The following WDHD1 variants were observed in gnomAD, a reference collection of about 807,000 sequenced individuals.
WDHD1 encodes the protein WD repeat and HMG-box DNA binding protein 1.
A neutral mutation model predicts 135.4 loss-of-function variants in WDHD1; 111 were observed. The observed-to-expected ratio is 0.82, with a 90% CI of 0.70 to 0.96. The LOEUF is 0.96. WDHD1 is among the 40% of genes least tolerant of loss of function. The pLI, the probability that WDHD1 is intolerant of heterozygous loss-of-function variation, is 0.00. For missense variants in WDHD1, 1,351 were observed against 1,336.3 expected, an observed-to-expected ratio of 1.01 and a Z score of -0.17; for synonymous variants, 434 against 439.0, an observed-to-expected ratio of 0.99 and a Z score of 0.14.
chr14:55,015,946 A>G (rs1036749880), intron 2 of WDHD1, among the ~76,000 whole-genome samples: 3 of 151,980 alleles, frequency 2.0e-5, no homozygotes, highest in African/African-American at 7.2e-5. Context: ...TGATCCACCC[A>G]CCTCGGCCTC....
In WDHD1 at chr14:54,987,255, A is replaced by G; in HGVS notation, c.1659T>C (p.Leu553=). Residue 553 remains leucine, a synonymous_variant, in exon 14 of 26, where the codon CTT becomes CTC. Transcript: ENST00000360586. ...GWAAAATSAL[L]LRLFTIGGVQ... is the part of the protein sequence containing the mutation. ...CCCCTCCAATAGTAAACAATCGAAG[A>G]AGCAGGGCACTAGTAGCGGCAGCAG... is the stretch of plus-strand genomic sequence containing the variant. 6.2e-7 allele frequency: 1 copy of G among 1,614,160 alleles called. No individual in the cohort carries two copies. The highest frequency in any genetic ancestry group is 1.7e-5 in the Admixed American group (1 of 60,022).
chr14:54,988,711 T>G (rs117958211), intron 13 of WDHD1, among the ~76,000 whole-genome samples: 5,544 of 146,746 alleles, frequency 0.038, 123 homozygotes, highest in African/African-American at 0.052. Flanking sequence ...TTCTTTACAA[T>G]GAATGTATAT....
chr14:54,989,033 T>C lies in WDHD1; in HGVS notation c.1521A>G (p.Leu507=). 1.2e-6 allele frequency: 2 copies of C among 1,608,752 alleles called. No homozygotes were observed. Among genetic ancestry groups the C allele is most frequent in the South Asian group, 1.1e-5 (1 of 90,128 alleles). The part of the protein sequence containing the change: ...ILLACESTDE[L]ASKLHCLHFS... ...CCTAATAATCTTGAGTTTACCTTGC[T>C]AGTTCATCAGTGCTTTCACATGCCA... The change falls in exon 13 of 26, where the codon CTA becomes CTG. Residue 507 remains leucine, a synonymous_variant. Transcript: ENST00000360586.
intron 2 of WDHD1, 25 bp downstream of exon 2, chr14:55,026,686 A>C: frequency 6.2e-7 from 1 of 1,612,620 alleles, no homozygotes; most frequent in Non-Finnish European, 8.5e-7. Context: ...TTGCACCTAA[A>C]ACGTTGTTTC....
chr14:54,962,354 A>C, intron 21 of WDHD1, 144 bp downstream of exon 21: 1 of 693,904 alleles, frequency 1.4e-6, no homozygotes, highest in South Asian at 1.6e-5. Flanking sequence ...TTCACAAACA[A>C]CATCTGAGAT....
chr14:55,011,524 CAAAAAAAAA>C (rs60615259), intron 3 of WDHD1, among the ~76,000 whole-genome samples: 29 of 50,994 alleles, frequency 5.7e-4, no homozygotes, highest in East Asian at 1.8e-3. Context: ...AACTCTGTCT[CAAAAAAAAA>C]AAAAAAAAAA....
At chr14:54,949,810 T>C (rs1040935987) in intron 24 of WDHD1, among the ~76,000 whole-genome samples, 8 of 152,350 alleles carry the variant, frequency 5.3e-5, no homozygotes, top group East Asian at 1.9e-4. Flanking sequence ...AGAAACTCTA[T>C]GAGCCAGAAG....
intron 10 of WDHD1, 152 bp from the exon 11 acceptor site, chr14:54,995,965 G>A (rs1433197577): frequency 1.7e-6 from 1 of 598,474 alleles, no homozygotes; most frequent in Non-Finnish European, 2.8e-6. Flanking sequence ...GTATTTATGA[G>A]AATTGTATTT....
intron 18 of WDHD1, among the ~76,000 whole-genome samples, chr14:54,963,410 T>C (rs1340998170): frequency 1.3e-5 from 2 of 152,148 alleles, no homozygotes; most frequent in African/African-American, 4.8e-5. Flanking sequence ...ATGAATAAAG[T>C]AATGGTGCAC....
In WDHD1 at chr14:54,995,648, G is replaced by C; in HGVS notation, c.1108C>G (p.Pro370Ala). The change falls in exon 11 of 26, where the codon CCT becomes GCT. Residue 370 changes from proline (P) to alanine (A), a missense_variant. Around this residue, in one of 2 missense-constraint regions of WDHD1, gnomAD observed 1,330 missense variants for 1,296.1 expected, o/e 1.03. Coordinates refer to ENST00000360586, the MANE Select transcript of WDHD1 (RefSeq NM_007086.4). ...TCTAGGATGTGACTTCGCTGTCTAG[G>C]ACGACCTGAAGCCATCATGAGGTCT... The part of the protein sequence containing the change: ...DEDLMMASGR[P>A]RQRSHILEDD... 6.2e-7 allele frequency: 1 copy of C among 1,612,560 alleles called. No homozygotes were observed. Among genetic ancestry groups the C allele is most frequent in the Non-Finnish European group, 8.5e-7 (1 of 1,179,364 alleles).
chr14:55,020,481 G>A (rs538586875), intron 2 of WDHD1, among the ~76,000 whole-genome samples: 1 of 152,200 alleles, frequency 6.6e-6, no homozygotes, highest in African/African-American at 2.4e-5. Flanking sequence ...AGTCTCCTTA[G>A]CTGGATCCTC....
At chr14:54,978,688 G>T (rs1033316920) in intron 16 of WDHD1, among the ~76,000 whole-genome samples, 3 of 152,010 alleles carry the variant, frequency 2.0e-5, no homozygotes, top group Admixed American at 6.6e-5. Flanking sequence ...AAAACACACA[G>T]AAATAACCAC....
chr14:54,981,654 A>G lies in WDHD1; in HGVS notation c.1949T>C (p.Leu650Pro). The G allele has an allele frequency of 6.2e-7, 1 of 1,612,064 alleles. No individual in the cohort carries two copies. Among genetic ancestry groups the G allele is most frequent in the Middle Eastern group, 1.7e-4 (1 of 6,058 alleles). Residue 650 changes from leucine (L) to proline (P), a missense_variant, in exon 16 of 26, where the codon CTT becomes CCT. This residue lies in a region of WDHD1 where 1,330 missense variants were observed against 1,296.1 expected (regional missense o/e 1.03). Transcript: ENST00000360586. ...CCACGTATTACCAAGTCCTCTGTTA[A>G]GCATTCGAACAATTCCTTCTGAATC... is the stretch of plus-strand genomic sequence containing the variant. ...YVDSEGIVRM[L>P]NRGLGNTWTP...
At chr14:55,004,774 C>CT (rs1257262590) in intron 7 of WDHD1, 2 of 398,880 alleles carry the variant, frequency 5.0e-6, no homozygotes, top group Non-Finnish European at 9.8e-6. Context: ...TTTCATCAAC[C>CT]TTATTTCCAT....
chr14:55,013,636 T>G, intron 2 of WDHD1, 40 bp from the exon 3 acceptor site: 2 of 1,465,210 alleles, frequency 1.4e-6, no homozygotes, highest in Non-Finnish European at 1.9e-6. Context: ...TCGGGCATGG[T>G]GTCTCATGCC....
At chr14:54,990,185 TTACA>T (rs2041761358) in intron 12 of WDHD1, among the ~76,000 whole-genome samples, 1 of 152,150 alleles carries the variant, frequency 6.6e-6, no homozygotes, top group Admixed American at 6.5e-5. Context: ...CCCTTAATCT[TTACA>T]TAAAAATTTA....
At chr14:54,994,135 G>C (rs1414514355) in intron 11 of WDHD1, among the ~76,000 whole-genome samples, 1 of 151,452 alleles carries the variant, frequency 6.6e-6, no homozygotes, top group East Asian at 1.9e-4. Context: ...ATGTTCAAGT[G>C]TTATTGTAGC....
chr14:54,971,180 A>C (rs2140177677), intron 16 of WDHD1, among the ~76,000 whole-genome samples: 1 of 152,366 alleles, frequency 6.6e-6, no homozygotes, highest in Non-Finnish European at 1.5e-5. Context: ...GGCCTTGGTA[A>C]ATATTTCATG....
chr14:54,986,910 G>T (rs2041703067), intron 14 of WDHD1, among the ~76,000 whole-genome samples: 1 of 152,176 alleles, frequency 6.6e-6, no homozygotes, highest in Admixed American at 6.5e-5. Flanking sequence ...GTAAGATTTA[G>T]ACATGGAAGT....
Sources: gnomAD v4.1 joint callset for allele counts (sites outside exome capture counted in the v4.1 genomes callset) on GRCh38, gnomAD v4.1.1 for gene constraint, gnomAD v4.1.1 regional missense constraint, MANE v1.5 for transcripts, NCBI Gene and HGNC (gene_info 2026-07-23, HGNC 2026-07-21) for gene names.